GALNTL6: variants seen among roughly 807,000 people sequenced by gnomAD.
GALNTL6 encodes polypeptide N-acetylgalactosaminyltransferase-like 6.
Under a neutral mutation model 73.7 loss-of-function variants are expected in GALNTL6, and 46 were observed. The ratio of observed to expected loss-of-function variants is 0.62; its 90% CI spans 0.49 to 0.80. The LOEUF is 0.80. Among genes scored for constraint, GALNTL6 ranks in the 30% least tolerant of loss-of-function variants. The pLI, the probability that GALNTL6 is intolerant of heterozygous loss-of-function variation, is 0.00. For missense variants in GALNTL6, 604 were observed against 755.0 expected, an observed-to-expected ratio of 0.80 and a Z score of 2.34; for synonymous variants, 259 against 263.7, an observed-to-expected ratio of 0.98 and a Z score of 0.17.
rs969905579 is a variant in GALNTL6, at chr4:172,442,492, A to C, written c.553+93803A>C. Among the ~76,000 whole-genome samples the C allele has an allele frequency of 6.6e-5, 10 of 152,192 alleles. 1 individual carries two copies. The highest frequency in any genetic ancestry group is 1.3e-4 in the Admixed American group (2 of 15,258). ...AAGTATTTAGACTATACTTACGGAA[A>C]TAATCTGTATGTTAGATAAATTTTT... On this transcript the variant is annotated intron_variant, in intron 5 of 12. Transcript: ENST00000506823.
intron 5 of GALNTL6, among the ~76,000 whole-genome samples, chr4:172,614,116 TTATC>T (rs146699599): frequency 2.3e-4 from 35 of 150,936 alleles, no homozygotes; most frequent in Non-Finnish European, 3.0e-4. Flanking sequence ...CACTCTGTCT[TTATC>T]TATCTATCTA....
intron 10 of GALNTL6, among the ~76,000 whole-genome samples, chr4:172,988,771 G>T (rs1236180094): frequency 6.6e-6 from 1 of 152,212 alleles, no homozygotes; most frequent in Non-Finnish European, 1.5e-5. Context: ...AGCTAAAAGG[G>T]CCCCAGATAG....
chr4:172,711,794 A>G (rs1734724246), intron 5 of GALNTL6, among the ~76,000 whole-genome samples: 1 of 152,176 alleles, frequency 6.6e-6, no homozygotes, highest in South Asian at 2.1e-4. Flanking sequence ...CAACATACAT[A>G]TGGTCTTAAA....
chr4:172,450,380 T>C (rs962878521), intron 5 of GALNTL6, among the ~76,000 whole-genome samples: 1 of 152,152 alleles, frequency 6.6e-6, no homozygotes, highest in Non-Finnish European at 1.5e-5. Flanking sequence ...ATGTGGTCTA[T>C]CAACAAGCCC....
At chr4:172,799,826 T>A (rs1740507826) in intron 5 of GALNTL6, among the ~76,000 whole-genome samples, 1 of 152,220 alleles carries the variant, frequency 6.6e-6, no homozygotes, top group African/African-American at 2.4e-5. Flanking sequence ...CCCGTGTTTG[T>A]AGCAGCATTA....
At chr4:172,706,959 C>T (rs1306258945) in intron 5 of GALNTL6, among the ~76,000 whole-genome samples, 2 of 152,174 alleles carry the variant, frequency 1.3e-5, no homozygotes, top group Non-Finnish European at 2.9e-5. Flanking sequence ...CCTACATGCA[C>T]TTGCAGTACT....
chr4:172,910,030 GAAC>G (rs1747116237), intron 8 of GALNTL6, among the ~76,000 whole-genome samples: 1 of 151,640 alleles, frequency 6.6e-6, no homozygotes, highest in East Asian at 1.9e-4. Context: ...AAAGTATATA[GAAC>G]AACTGTGCAA....
At chr4:172,172,253 A>G (rs1734852178) in intron 2 of GALNTL6, among the ~76,000 whole-genome samples, 2 of 152,162 alleles carry the variant, frequency 1.3e-5, no homozygotes, top group African/African-American at 4.8e-5. Context: ...GCTGGAGCAC[A>G]GTGGTGCGAT....
intron 5 of GALNTL6, among the ~76,000 whole-genome samples, chr4:172,546,198 T>G (rs890670335): frequency 1.3e-5 from 2 of 152,106 alleles, no homozygotes; most frequent in Non-Finnish European, 2.9e-5. Flanking sequence ...GAGAAGAAAT[T>G]TTTAATGTGA....
intron 2 of GALNTL6, among the ~76,000 whole-genome samples, chr4:171,955,376 A>C (rs1047175101): frequency 2.1e-4 from 4 of 18,968 alleles, no homozygotes; most frequent in Non-Finnish European, 2.0e-3. Flanking sequence ...ATATCTATCT[A>C]TCTATCTATA....
intron 5 of GALNTL6, among the ~76,000 whole-genome samples, chr4:172,376,809 A>C (rs1410727721): frequency 6.6e-6 from 1 of 152,128 alleles, no homozygotes; most frequent in Non-Finnish European, 1.5e-5. Flanking sequence ...TGACTTCAAG[A>C]ATGAAGCCGC....
intron 5 of GALNTL6, among the ~76,000 whole-genome samples, chr4:172,537,087 G>A (rs1292351511): frequency 1.3e-5 from 2 of 152,174 alleles, no homozygotes; most frequent in Non-Finnish European, 2.9e-5. Flanking sequence ...TGGTTTTACA[G>A]GCTAATAGGT....
chr4:172,061,422 G>C (rs944994610), intron 2 of GALNTL6, among the ~76,000 whole-genome samples: 1 of 152,038 alleles, frequency 6.6e-6, no homozygotes, highest in Non-Finnish European at 1.5e-5. Flanking sequence ...TTGCACTTTC[G>C]TTCTGTCATT....
intron 5 of GALNTL6, among the ~76,000 whole-genome samples, chr4:172,557,181 G>A (rs1469963807): frequency 6.6e-6 from 1 of 152,140 alleles, no homozygotes; most frequent in Non-Finnish European, 1.5e-5. Flanking sequence ...ATGAGTTCAA[G>A]TTCTGGTCAA....
intron 3 of GALNTL6, among the ~76,000 whole-genome samples, chr4:172,276,826 C>A (rs990019084): frequency 2.0e-5 from 3 of 151,858 alleles, no homozygotes; most frequent in Non-Finnish European, 4.4e-5. Flanking sequence ...TCCCAATCAC[C>A]TAGATGATTA....
At chr4:173,005,508 A>G (rs1476348095) in intron 10 of GALNTL6, among the ~76,000 whole-genome samples, 1 of 130,938 alleles carries the variant, frequency 7.6e-6, no homozygotes, top group African/African-American at 2.9e-5. Flanking sequence ...GAATCATCAT[A>G]AGTGTTCTTG....
intron 2 of GALNTL6, among the ~76,000 whole-genome samples, chr4:171,883,678 C>CA (rs1235830056): frequency 6.6e-6 from 1 of 150,384 alleles, no homozygotes; most frequent in Non-Finnish European, 1.5e-5. Flanking sequence ...GATAGAGTCT[C>CA]GCTCTGTCGC....
chr4:172,227,220 C>T (rs187407110), intron 2 of GALNTL6, among the ~76,000 whole-genome samples: 77 of 152,222 alleles, frequency 5.1e-4, no homozygotes, highest in Non-Finnish European at 5.9e-5. Flanking sequence ...TTTCAATTCT[C>T]CAGGTAGGAA....
At chr4:172,979,614 G>A (rs920727580) in intron 10 of GALNTL6, among the ~76,000 whole-genome samples, 2 of 152,110 alleles carry the variant, frequency 1.3e-5, no homozygotes, top group African/African-American at 2.4e-5. Flanking sequence ...ATTGCTTATG[G>A]AATTTAAAAG....
Sources: allele counts gnomAD v4.1 joint callset (sites outside exome capture counted in the v4.1 genomes callset), GRCh38; gene constraint gnomAD v4.1.1; transcripts MANE v1.5; gene names NCBI Gene and HGNC (gene_info 2026-07-23, HGNC 2026-07-21).